The following EPHA6 variants were observed in gnomAD, a reference collection of about 807,000 sequenced individuals.
EPHA6 encodes ephrin type-A receptor 6.
In EPHA6, 50 loss-of-function variants were observed where a neutral mutation model predicts 112.0. The observed-to-expected ratio is 0.45, with a 90% CI of 0.36 to 0.56. EPHA6 has a LOEUF of 0.56. Ranked by LOEUF, EPHA6 falls within the 20% of genes least tolerant of loss-of-function variation. The pLI is 0.00. For missense variants in EPHA6, 1,280 were observed against 1,417.4 expected (o/e 0.90, Z 1.56); for synonymous variants, 529 against 490.7 (o/e 1.08, Z -1.03).
Position 96,994,707 on chromosome 3 carries a change from GTGTATA to G in EPHA6, c.1114+6716_1114+6721del, listed in dbSNP as rs1368789740. Among the ~76,000 whole-genome samples the G allele has an allele frequency of 1.0e-3, 97 of 93,236 alleles. 2 individuals carry two copies. Among genetic ancestry groups the G allele is most frequent in the Middle Eastern group, 4.9e-3 (1 of 206 alleles). 61.2% of individuals were successfully genotyped at this position (93,236 alleles called of 152,430 possible). A position where few individuals can be genotyped will look rare whatever the true frequency, so the allele number is the denominator to read the frequency against. The stretch of plus-strand genomic sequence containing the variant: ...TGTGTGTGTGTATGTGTGTGTGTGT[GTGTATA>G]TATATATATATATATATATAGAGAG... On this transcript the variant is annotated intron_variant, in intron 3 of 17. Coordinates refer to ENST00000389672, the MANE Select transcript of EPHA6 (RefSeq NM_001080448.3).
chr3:97,740,722 G>T (rs1486462), intron 16 of EPHA6, among the ~76,000 whole-genome samples: 72,800 of 151,930 alleles, frequency 0.48, 18,068 homozygotes, highest in East Asian at 0.72. Flanking sequence ...TCCATTTAGC[G>T]AATTATGCAC....
At chr3:97,538,247 G>C (rs1577699715) in intron 11 of EPHA6, among the ~76,000 whole-genome samples, 1 of 152,124 alleles carries the variant, frequency 6.6e-6, no homozygotes, top group Non-Finnish European at 1.5e-5. Context: ...GAAAGGGATA[G>C]ATTCTAGATC....
intron 6 of EPHA6, among the ~76,000 whole-genome samples, chr3:97,413,305 G>GA (rs2107138852): frequency 6.6e-6 from 1 of 151,918 alleles, no homozygotes; most frequent in South Asian, 2.1e-4. Flanking sequence ...TGCGCCTGAG[G>GA]AAAAAAGTAC....
At chr3:97,115,155 T>A (rs1205864827) in intron 3 of EPHA6, among the ~76,000 whole-genome samples, 1 of 152,084 alleles carries the variant, frequency 6.6e-6, no homozygotes, top group African/African-American at 2.4e-5. Context: ...TGGATGGCTA[T>A]GTAGGGATTT....
At chr3:97,464,396 T>C (rs940808724) in intron 7 of EPHA6, among the ~76,000 whole-genome samples, 6 of 152,076 alleles carry the variant, frequency 3.9e-5, no homozygotes, top group African/African-American at 1.4e-4. Flanking sequence ...AATGTAAATT[T>C]TCTACTTTCA....
At chr3:97,678,027 C>T (rs369327959) in intron 14 of EPHA6, among the ~76,000 whole-genome samples, 1 of 152,174 alleles carries the variant, frequency 6.6e-6, no homozygotes. Flanking sequence ...GACTGTATTC[C>T]TGGAGGGAGG....
chr3:97,755,559 C>T lies in EPHA6; in HGVS notation c.*6858C>T, dbSNP rs576857825. ...ATTCCTATTTAGTTAGTAACAGGGT[C>T]TCCATCTCATTATCCCTCGCTGAAG... On this transcript the variant is annotated 3_prime_UTR_variant, in exon 18 of 18. Coordinates refer to ENST00000389672, the MANE Select transcript of EPHA6 (RefSeq NM_001080448.3). 6.6e-6 allele frequency among the ~76,000 whole-genome samples: 1 copy of T among 152,252 alleles called. No individual in the cohort carries two copies. The highest frequency in any genetic ancestry group is 2.1e-4 in the South Asian group (1 of 4,826).
At chr3:97,497,282 T>C (rs2092005660) in intron 10 of EPHA6, among the ~76,000 whole-genome samples, 3 of 152,142 alleles carry the variant, frequency 2.0e-5, no homozygotes, top group Non-Finnish European at 4.4e-5. Flanking sequence ...AATGGTGTCA[T>C]TCTTCCTCAA....
At chr3:97,315,055 A>G (rs190448138) in intron 5 of EPHA6, among the ~76,000 whole-genome samples, 128 of 150,810 alleles carry the variant, frequency 8.5e-4, no homozygotes, top group Middle Eastern at 6.8e-3. Flanking sequence ...ATAAATCAGT[A>G]TGGATCAGCC....
At chr3:97,250,897 T>C (rs1490268393) in intron 5 of EPHA6, among the ~76,000 whole-genome samples, 1 of 151,940 alleles carries the variant, frequency 6.6e-6, no homozygotes, top group Non-Finnish European at 1.5e-5. Context: ...AGACAGAGTC[T>C]CACTTTGTCC....
At chr3:97,296,236 G>A (rs1459441810) in intron 5 of EPHA6, among the ~76,000 whole-genome samples, 9 of 152,128 alleles carry the variant, frequency 5.9e-5, no homozygotes, top group African/African-American at 2.2e-4. Context: ...TCCAGTGGTA[G>A]CAGCAAACCA....
intron 14 of EPHA6, among the ~76,000 whole-genome samples, chr3:97,647,844 C>T (rs552370704): frequency 6.6e-6 from 1 of 152,210 alleles, no homozygotes; most frequent in Non-Finnish European, 1.5e-5. Flanking sequence ...CAGTCTTAAA[C>T]TTACATTGAA....
intron 5 of EPHA6, among the ~76,000 whole-genome samples, chr3:97,258,926 A>G (rs1000249484): frequency 6.6e-6 from 1 of 152,196 alleles, no homozygotes; most frequent in Non-Finnish European, 1.5e-5. Context: ...CAGTTTATAA[A>G]TATGCAAGAA....
chr3:97,350,819 C>T (rs1223506232), intron 5 of EPHA6, among the ~76,000 whole-genome samples: 2 of 148,086 alleles, frequency 1.4e-5, no homozygotes, highest in African/African-American at 2.6e-5. Context: ...ATCTGAAGCC[C>T]TCAAGAAAAA....
chr3:97,587,495 A>G (rs2093501648), intron 11 of EPHA6, among the ~76,000 whole-genome samples: 1 of 152,230 alleles, frequency 6.6e-6, no homozygotes, highest in African/African-American at 2.4e-5. Context: ...TTATTGGTAC[A>G]AAATTTAACA....
At chr3:97,146,734 A>G (rs1019198807) in intron 3 of EPHA6, among the ~76,000 whole-genome samples, 1 of 151,822 alleles carries the variant, frequency 6.6e-6, no homozygotes, top group African/African-American at 2.4e-5. Context: ...CTTTATCTTT[A>G]GTTGATAATC....
intron 3 of EPHA6, among the ~76,000 whole-genome samples, chr3:97,133,960 C>T (rs1225617846): frequency 1.3e-5 from 2 of 151,854 alleles, no homozygotes; most frequent in African/African-American, 4.8e-5. Flanking sequence ...CTATTAGCAG[C>T]TCAGAGGGTG....
chr3:97,199,348 A>C (rs769716348), intron 3 of EPHA6, among the ~76,000 whole-genome samples: 2 of 152,156 alleles, frequency 1.3e-5, no homozygotes, highest in Non-Finnish European at 2.9e-5. Context: ...GGACACATGC[A>C]TATAATGTAA....
At chr3:97,230,829 T>C (rs2078502344) in intron 4 of EPHA6, among the ~76,000 whole-genome samples, 1 of 152,128 alleles carries the variant, frequency 6.6e-6, no homozygotes, top group African/African-American at 2.4e-5. Context: ...AAAATCACAG[T>C]AAACCAGGAC....
Sources: allele counts gnomAD v4.1 joint callset (sites outside exome capture counted in the v4.1 genomes callset), GRCh38; gene constraint gnomAD v4.1.1; transcripts MANE v1.5; gene names NCBI Gene and HGNC (gene_info 2026-07-23, HGNC 2026-07-21).